TUSC3: variants seen among roughly 807,000 people sequenced by gnomAD.
TUSC3 encodes dolichyl-diphosphooligosaccharide--protein glycosyltransferase subunit TUSC3.
In TUSC3, 45 loss-of-function variants were observed where a neutral mutation model predicts 44.8. That is an observed-to-expected ratio of 1.00 (90% confidence interval 0.79 to 1.29). TUSC3 has a LOEUF of 1.29. Among genes scored for constraint, TUSC3 ranks in the 50% most tolerant of loss-of-function variants. The pLI is 0.00. For missense variants in TUSC3, 519 were observed against 437.9 expected, an observed-to-expected ratio of 1.19 and a Z score of -1.65; for synonymous variants, 212 against 152.9, an observed-to-expected ratio of 1.39 and a Z score of -2.85.
intron 2 of TUSC3, among the ~76,000 whole-genome samples, chr8:15,635,216 C>A (rs527323522): frequency 6.6e-6 from 1 of 152,292 alleles, no homozygotes; most frequent in Admixed American, 6.5e-5. Flanking sequence ...GCCCACATCT[C>A]TTGTATTGAT....
At chr8:15,520,511 T>G (rs563286056) in intron 2 of TUSC3, among the ~76,000 whole-genome samples, 1 of 152,334 alleles carries the variant, frequency 6.6e-6, no homozygotes, top group East Asian at 1.9e-4. Flanking sequence ...TTATCTATAT[T>G]TCTATGAAAT....
At chr8:15,438,251 C>T (rs1016049266) in intron 1 of TUSC3, among the ~76,000 whole-genome samples, 20 of 152,210 alleles carry the variant, frequency 1.3e-4, no homozygotes, top group South Asian at 1.0e-3. Flanking sequence ...TGCGCCACCA[C>T]GCCCAGCTAA....
chr8:15,533,167 T>C (rs982560474), intron 2 of TUSC3, among the ~76,000 whole-genome samples: 9 of 152,300 alleles, frequency 5.9e-5, no homozygotes, highest in African/African-American at 1.9e-4. Context: ...ACGTAAGATG[T>C]GACTTGCTCC....
chr8:15,640,624 A>G (rs1806322536), intron 2 of TUSC3, among the ~76,000 whole-genome samples: 1 of 152,226 alleles, frequency 6.6e-6, no homozygotes, highest in South Asian at 2.1e-4. Context: ...ACTAGGGACA[A>G]AAAGAAACCT....
rs183901585 is a variant in TUSC3, at chr8:15,462,143, C to G, written n.92-21243C>G. ...TTTTAGGTTGCTAAGAGAACCTGGT[C>G]CAAGCTTCATAATAATAACTTTAGC... On this transcript the variant is annotated intron_variant and non_coding_transcript_variant, in intron 1 of 5. Transcript: ENST00000503191. Among the ~76,000 whole-genome samples, 9 of 152,152 alleles carry G rather than the reference C, an allele frequency of 5.9e-5. No individual in the cohort carries two copies. In the East Asian group the frequency reaches 1.5e-3, roughly 26 times the overall value.
At chr8:15,725,373 C>T (rs914140966) in intron 6 of TUSC3, among the ~76,000 whole-genome samples, 21 of 152,140 alleles carry the variant, frequency 1.4e-4, no homozygotes, top group African/African-American at 4.6e-4. Flanking sequence ...TAATCAAACA[C>T]GTTTGTTAGT....
intron 1 of TUSC3, among the ~76,000 whole-genome samples, chr8:15,478,040 C>G (rs1464066122): frequency 6.6e-6 from 1 of 152,118 alleles, no homozygotes; most frequent in Non-Finnish European, 1.5e-5. Flanking sequence ...TCACTGCAAA[C>G]TCTGCCTCCC....
chr8:15,707,692 G>T (rs779780567), intron 6 of TUSC3, among the ~76,000 whole-genome samples: 1 of 151,944 alleles, frequency 6.6e-6, no homozygotes, highest in African/African-American at 2.4e-5. Flanking sequence ...GAAAAGCTCA[G>T]ATGTTTACAT....
At position 15,540,294 on chromosome 8, in the gene TUSC3, C is replaced by G. The variant is rs1220242331; in HGVS notation, c.-137C>G. ...CTCCTCTGCGTCCTCGGCCGCGGCC[C>G]GGGTCCCTCGCAAAGCCGCTGCCAT... On this transcript the variant is annotated 5_prime_UTR_variant, in exon 1 of 11. Coordinates refer to ENST00000503731, the MANE Select transcript of TUSC3 (RefSeq NM_006765.4). 8.0e-7 allele frequency: 1 copy of G among 1,245,718 alleles called. No homozygotes were observed. The highest frequency in any genetic ancestry group is 1.0e-6 in the Non-Finnish European group (1 of 961,948). The allele number at this position is 1,245,718 out of a possible 1,614,324, so 77.2% of individuals were successfully genotyped here.
intron 6 of TUSC3, among the ~76,000 whole-genome samples, chr8:15,680,827 G>C (rs538379169): frequency 6.6e-6 from 1 of 152,008 alleles, no homozygotes; most frequent in South Asian, 2.1e-4. Flanking sequence ...CTTTTTCTGT[G>C]CCTATTGTGA....
rs555678475 is a variant in TUSC3, at chr8:15,668,110, A to T, written c.709-5637A>T. ...TGTTCTCCCACTGCAGTGAGGTGGA[A>T]GGATTGGTATCTGTTTTGTACATGT... On this transcript the variant is annotated intron_variant, in intron 5 of 10. Transcript: ENST00000503731. Among the ~76,000 whole-genome samples, 4 of 151,894 alleles carry T rather than the reference A, an allele frequency of 2.6e-5. No homozygotes were observed. The South Asian group carries it at 8.3e-4, about 31-fold the overall frequency.
At chr8:15,512,912 A>G (rs1298430114) in intron 2 of TUSC3, among the ~76,000 whole-genome samples, 1 of 110,822 alleles carries the variant, frequency 9.0e-6, no homozygotes, top group East Asian at 2.8e-4. Flanking sequence ...GTGTATATAT[A>G]TGTATCTATA....
Position 15,763,770 on chromosome 8 carries a change from A to G in TUSC3, c.*47-433A>G, listed in dbSNP as rs952238335. On this transcript the variant is annotated intron_variant, in intron 10 of 10. Transcript: ENST00000503731. ...CTCTTTTTGGTTGTTCAATATGATG[A>G]AATTGTAAATTAACAAAAGACCAAG... Among the ~76,000 whole-genome samples, 28 of 152,054 alleles carry G rather than the reference A, an allele frequency of 1.8e-4. 1 individual carries two copies. The highest frequency in any genetic ancestry group is 3.8e-4 in the Non-Finnish European group (26 of 67,976).
the TUSC3 span, chr8:15,806,421 G>T: frequency 1.5e-6 from 1 of 651,596 alleles, no homozygotes; most frequent in Non-Finnish European, 2.8e-6. Flanking sequence ...GGGTGCATTT[G>T]GAAACCAGAG....
intron 1 of TUSC3, among the ~76,000 whole-genome samples, chr8:15,586,112 TA>T (rs33934589): frequency 0.39 from 59,358 of 151,974 alleles, 11,947 homozygotes; most frequent in East Asian, 0.59. Flanking sequence ...CAGTGCTAAA[TA>T]ATTATGTTCA....
intron 1 of TUSC3, among the ~76,000 whole-genome samples, chr8:15,422,371 C>T (rs547466486): frequency 2.0e-5 from 3 of 152,186 alleles, no homozygotes; most frequent in East Asian, 1.9e-4. Flanking sequence ...CTTTATAACA[C>T]GTCTTCTTAC....
chr8:15,514,596 A>G (rs920456126), intron 2 of TUSC3, among the ~76,000 whole-genome samples: 9 of 152,200 alleles, frequency 5.9e-5, no homozygotes, highest in African/African-American at 1.9e-4. Context: ...CTAGATGCAT[A>G]ATTGCAATGT....
At chr8:15,649,137 C>T (rs1242197677) in intron 2 of TUSC3, among the ~76,000 whole-genome samples, 1 of 152,076 alleles carries the variant, frequency 6.6e-6, no homozygotes, top group African/African-American at 2.4e-5. Context: ...TTCATGTTTT[C>T]TGATCGTTCT....
the TUSC3 span, among the ~76,000 whole-genome samples, chr8:15,838,374 A>G: frequency 6.6e-6 from 1 of 152,146 alleles, no homozygotes; most frequent in South Asian, 2.1e-4. Flanking sequence ...TTCTATTTTA[A>G]TAAAGTCATA....
Sources: gnomAD v4.1 joint callset for allele counts (sites outside exome capture counted in the v4.1 genomes callset) on GRCh38, gnomAD v4.1.1 for gene constraint, MANE v1.5 for transcripts, NCBI Gene and HGNC (gene_info 2026-07-23, HGNC 2026-07-21) for gene names.